CHP1: variants seen among roughly 807,000 people sequenced by gnomAD.
CHP1 encodes the protein calcineurin like EF-hand protein 1, also known as calcineurin B homologous protein 1.
Under a neutral mutation model 27.4 loss-of-function variants are expected in CHP1, and 11 were observed. The observed-to-expected ratio is 0.40, with a 90% CI of 0.25 to 0.67. The LOEUF is 0.67. Ranked by LOEUF, CHP1 falls within the 30% of genes least tolerant of loss-of-function variation. The probability of loss-of-function intolerance (pLI) is 0.38; values close to 1 mark genes in which losing one functional copy is unlikely to be tolerated. For synonymous variants in CHP1, 89 were observed against 87.4 expected (o/e 1.02, Z -0.10); for missense variants, 169 against 251.3 (o/e 0.67, Z 2.22).
chr15:41,253,542 C>T (rs929712742), intron 2 of CHP1, among the ~76,000 whole-genome samples: 6 of 151,720 alleles, frequency 4.0e-5, no homozygotes, highest in Admixed American at 3.3e-4. Flanking sequence ...GCAACCTCCA[C>T]CTCCCAGGTT....
At chr15:41,264,686 C>T (rs1276522402) in intron 4 of CHP1, among the ~76,000 whole-genome samples, 1 of 152,176 alleles carries the variant, frequency 6.6e-6, no homozygotes, top group African/African-American at 2.4e-5. Context: ...CGCAAGCAGT[C>T]ATCCCACCTT....
chr15:41,280,241 A>C lies in CHP1; in HGVS notation c.*852A>C, dbSNP rs2047538778. Reference sequence around the variant, plus strand: ...GGCTCCTCTTGTTAGTGCAATGTTGACTGTTGAAAAAGCAGCAGTATGCTT... The same window carrying C: ...GGCTCCTCTTGTTAGTGCAATGTTGCCTGTTGAAAAAGCAGCAGTATGCTT... On this transcript the variant is annotated 3_prime_UTR_variant, in exon 7 of 7. Coordinates refer to ENST00000334660, the MANE Select transcript of CHP1 (RefSeq NM_007236.5). The C allele has an allele frequency of 6.6e-6, 1 of 152,316 alleles. No individual in the cohort carries two copies. The highest frequency in any genetic ancestry group is 1.5e-5 in the Non-Finnish European group (1 of 68,066). The allele number at this position is 152,316 out of a possible 1,614,324, so 9.4% of individuals were successfully genotyped here. A position where few individuals can be genotyped will look rare whatever the true frequency, so the allele number is the denominator to read the frequency against.
intron 1 of CHP1, among the ~76,000 whole-genome samples, chr15:41,241,627 G>A (rs889185335): frequency 1.1e-4 from 16 of 152,204 alleles, no homozygotes; most frequent in Admixed American, 3.3e-4. Context: ...CTGCCCCGAT[G>A]GAAATGCTTT....
At chr15:41,273,003 G>A (rs1467032858) in intron 5 of CHP1, among the ~76,000 whole-genome samples, 1 of 151,934 alleles carries the variant, frequency 6.6e-6, no homozygotes, top group Non-Finnish European at 1.5e-5. Context: ...CTTGCAGTGA[G>A]CCGAGATCAC....
At chr15:41,274,952 G>T (rs140623096) in intron 5 of CHP1, among the ~76,000 whole-genome samples, 9 of 151,556 alleles carry the variant, frequency 5.9e-5, no homozygotes, top group Admixed American at 5.9e-4. Flanking sequence ...TACCATGCCC[G>T]GCTAATTTTT....
At chr15:41,278,627 CA>C in intron 5 of CHP1, 139 bp from the exon 6 acceptor site, 1 of 988,844 alleles carries the variant, frequency 1.0e-6, no homozygotes. Flanking sequence ...GGTCATTAAC[CA>C]AAACATTATT....
intron 1 of CHP1, among the ~76,000 whole-genome samples, chr15:41,242,319 AT>A (rs1326815146): frequency 6.6e-6 from 1 of 152,184 alleles, no homozygotes; most frequent in African/African-American, 2.4e-5. Flanking sequence ...GAGTTTTAAA[AT>A]AGAATCTGTT....
At chr15:41,268,889 G>C (rs939471199) in intron 4 of CHP1, among the ~76,000 whole-genome samples, 2 of 152,030 alleles carry the variant, frequency 1.3e-5, no homozygotes, top group Non-Finnish European at 2.9e-5. Flanking sequence ...GAACCCAGGA[G>C]GCGGAGCTTG....
At chr15:41,268,451 C>T (rs934622921) in intron 4 of CHP1, among the ~76,000 whole-genome samples, 7 of 152,074 alleles carry the variant, frequency 4.6e-5, no homozygotes, top group African/African-American at 1.7e-4. Context: ...TCGAGACCAT[C>T]CTGGCCAACA....
chr15:41,253,197 A>G (rs545156711), intron 2 of CHP1, among the ~76,000 whole-genome samples: 1 of 151,700 alleles, frequency 6.6e-6, no homozygotes, highest in African/African-American at 2.4e-5. Flanking sequence ...TCAGCCTCCC[A>G]AAGTGCTGGG....
At chr15:41,263,760 AGGT>A (rs2047444916) in intron 4 of CHP1, among the ~76,000 whole-genome samples, 1 of 152,156 alleles carries the variant, frequency 6.6e-6, no homozygotes, top group Non-Finnish European at 1.5e-5. Context: ...CTGTGCTCCC[AGGT>A]ACTTGGGAGG....
At chr15:41,252,384 G>C (rs556485157) in intron 2 of CHP1, among the ~76,000 whole-genome samples, 1 of 150,928 alleles carries the variant, frequency 6.6e-6, no homozygotes, top group Admixed American at 6.6e-5. Flanking sequence ...GGCCAGGCTC[G>C]TGTCTAACTC....
chr15:41,251,369 A>G (rs1406483520), intron 2 of CHP1, among the ~76,000 whole-genome samples: 1 of 152,098 alleles, frequency 6.6e-6, no homozygotes, highest in African/African-American at 2.4e-5. Context: ...CATCAGAACA[A>G]AGAATATTTA....
intron 1 of CHP1, among the ~76,000 whole-genome samples, chr15:41,232,048 A>G (rs2047248937): frequency 6.6e-6 from 1 of 151,878 alleles, no homozygotes; most frequent in African/African-American, 2.4e-5. Flanking sequence ...CTAGAGAAAA[A>G]ACACGGATAC....
chr15:41,232,311 A>T (rs145966229), intron 1 of CHP1, among the ~76,000 whole-genome samples: 35 of 151,490 alleles, frequency 2.3e-4, no homozygotes, highest in African/African-American at 8.3e-4. Context: ...CCCAGGTTCA[A>T]GCAGTTCTCC....
At position 41,231,334 on chromosome 15, in the gene CHP1, C is replaced by A. The variant is rs1174390716; in HGVS notation, c.-49C>A. 6 of 1,532,836 alleles carry A rather than the reference C, an allele frequency of 3.9e-6. No individual in the cohort carries two copies. The allele number at this position is 1,532,836 out of a possible 1,614,324, so 95.0% of individuals were successfully genotyped here. A position where few individuals can be genotyped will look rare whatever the true frequency, so the allele number is the denominator to read the frequency against. ...CCTTCCCTCCCTCCTTCCCTCCTGT[C>A]GCCGTCTCTTCTGGCGCCGCTGCTC... is the stretch of plus-strand genomic sequence containing the variant. On this transcript the variant is annotated 5_prime_UTR_variant, in exon 1 of 7. Transcript: ENST00000334660.
At chr15:41,251,385 G>T (rs1174326141) in intron 2 of CHP1, among the ~76,000 whole-genome samples, 1 of 152,086 alleles carries the variant, frequency 6.6e-6, no homozygotes, top group Non-Finnish European at 1.5e-5. Context: ...ATTTAAAGAA[G>T]AGAAACCATC....
intron 5 of CHP1, among the ~76,000 whole-genome samples, chr15:41,277,152 T>G (rs540233627): frequency 1.3e-5 from 2 of 152,326 alleles, no homozygotes; most frequent in African/African-American, 4.8e-5. Context: ...GGATACATTC[T>G]GAGATATGCA....
At chr15:41,267,431 G>A (rs1430701016) in intron 4 of CHP1, among the ~76,000 whole-genome samples, 1 of 152,014 alleles carries the variant, frequency 6.6e-6, no homozygotes, top group Admixed American at 6.6e-5. Flanking sequence ...GGAGGCCAAA[G>A]TAGGCAGATT....
Sources: allele counts gnomAD v4.1 joint callset (sites outside exome capture counted in the v4.1 genomes callset), GRCh38; gene constraint gnomAD v4.1.1; transcripts MANE v1.5; gene names NCBI Gene and HGNC (gene_info 2026-07-23, HGNC 2026-07-21).